Variants in SPRY3 observed in about 807,000 individuals in gnomAD.
SPRY3 encodes the protein sprouty RTK signaling antagonist 3.
Under a neutral mutation model 20.2 loss-of-function variants are expected in SPRY3, and 15 were observed. That is an observed-to-expected ratio of 0.74 (90% CI 0.50 to 1.14). SPRY3 has a LOEUF of 1.14. Ranked by LOEUF, SPRY3 falls within the 50% of genes most tolerant of loss-of-function variation. SPRY3 has a pLI of 0.00. For missense variants in SPRY3, 364 were observed against 363.9 expected, an observed-to-expected ratio of 1.00 and a Z score of 0.00; for synonymous variants, 143 against 136.5, an observed-to-expected ratio of 1.05 and a Z score of -0.33.
intron 2 of SPRY3, among the ~76,000 whole-genome samples, chrX:155,766,148 C>A (rs749002777): frequency 6.6e-6 from 1 of 152,168 alleles, no homozygotes; most frequent in African/African-American, 2.4e-5. Context: ...CAGGCATGCA[C>A]GCATGCACAC....
chrX:155,697,631 G>A (rs982076916), intron 2 of SPRY3, among the ~76,000 whole-genome samples: 2 of 108,334 alleles, frequency 1.8e-5, no homozygotes, highest in African/African-American at 3.4e-5. Flanking sequence ...ATTGTAGGTA[G>A]GGGTGTGTGT....
At position 155,775,327 on chromosome X, in the gene SPRY3, C is replaced by G. The variant is rs141787152; in HGVS notation, c.*589C>G. 6.5e-3 allele frequency: 1,104 copies of G among 168,868 alleles called. 14 individuals are homozygous for G. The highest frequency in any genetic ancestry group is 0.026 in the African/African-American group (1,060 of 41,496). The allele number at this position is 168,868 out of a possible 1,614,324, so 10.5% of individuals were successfully genotyped here. On this transcript the variant is annotated 3_prime_UTR_variant, in exon 4 of 4. Coordinates refer to ENST00000675360, the Ensembl canonical transcript of SPRY3. Reference sequence around the variant, plus strand: ...TCTTTCTTCCTCCCTTTCTCCTTCTCCCCTCCTTCTTTTTCAGACTGATCC... The same window carrying G: ...TCTTTCTTCCTCCCTTTCTCCTTCTGCCCTCCTTCTTTTTCAGACTGATCC...
At chrX:155,716,783 T>A (rs746525795) in intron 2 of SPRY3, among the ~76,000 whole-genome samples, 3 of 151,324 alleles carry the variant, frequency 2.0e-5, no homozygotes, top group Non-Finnish European at 2.9e-5. Flanking sequence ...TTCGACAAAA[T>A]ATGTGTTCAA....
intron 2 of SPRY3, among the ~76,000 whole-genome samples, chrX:155,696,924 T>G (rs947930574): frequency 6.3e-5 from 7 of 111,873 alleles, no homozygotes; most frequent in Admixed American, 9.5e-5. Context: ...TTTAAGTATA[T>G]CTTAAGAATC....
chrX:155,760,743 G>A (rs182987923), intron 2 of SPRY3, among the ~76,000 whole-genome samples: 2 of 152,034 alleles, frequency 1.3e-5, no homozygotes, highest in African/African-American at 4.8e-5. Flanking sequence ...TAGGGTTCAC[G>A]CTCCTATGAA....
intron 2 of SPRY3, among the ~76,000 whole-genome samples, chrX:155,696,681 C>T (rs977837227): frequency 9.0e-6 from 1 of 110,999 alleles, no homozygotes; most frequent in Non-Finnish European, 1.9e-5. Flanking sequence ...TAAACACAGC[C>T]ACCACTAGCC....
chrX:155,697,308 A>AT (rs1569562670), intron 2 of SPRY3, among the ~76,000 whole-genome samples: 1 of 110,397 alleles, frequency 9.1e-6, no homozygotes, highest in Non-Finnish European at 1.9e-5. Context: ...AAGCTCAGAC[A>AT]TTGGTCTTCC....
At chrX:155,776,120 T>C (rs1478369660) in exon 4 of SPRY3, 2 of 167,072 alleles carry the variant, frequency 1.2e-5, no homozygotes, top group African/African-American at 2.4e-5. Context: ...CAGAAAGCCA[T>C]TCCCATTCAA....
chrX:155,710,000 A>G (rs912672111), intron 2 of SPRY3, among the ~76,000 whole-genome samples: 3 of 151,636 alleles, frequency 2.0e-5, no homozygotes, highest in Non-Finnish European at 4.4e-5. Context: ...TGGGTTCTCT[A>G]TTCTGTTCCA....
chrX:155,772,649 T>G (rs2091387981), intron 3 of SPRY3, among the ~76,000 whole-genome samples: 1 of 152,156 alleles, frequency 6.6e-6, no homozygotes. Flanking sequence ...CAGTCTGCTA[T>G]TTGTACAGTA....
intron 2 of SPRY3, among the ~76,000 whole-genome samples, chrX:155,706,508 A>T (rs1350997611): frequency 1.3e-5 from 2 of 150,946 alleles, no homozygotes; most frequent in Non-Finnish European, 3.0e-5. Context: ...AGAAAAAATC[A>T]ATAAAGTTTA....
chrX:155,651,635 A>G (rs1193143118), intron 1 of SPRY3, among the ~76,000 whole-genome samples: 1 of 111,863 alleles, frequency 8.9e-6, no homozygotes, highest in Non-Finnish European at 1.9e-5. Context: ...TGCAGAGCAA[A>G]AGGCTTTAAA....
In SPRY3 at chrX:155,616,100, G is replaced by GTCTCTCTCCCTCTCTCTCTCTCTCTC. The variant is rs1557348835; in HGVS notation, c.-441+3461_-441+3462insCCTCTCTCTCTCTCTCTCTCTCTCTC. Among the ~76,000 whole-genome samples, 135 of 42,870 alleles carry GTCTCTCTCCCTCTCTCTCTCTCTCTC rather than the reference G, an allele frequency of 3.1e-3. 6 individuals carry two copies. Among genetic ancestry groups the GTCTCTCTCCCTCTCTCTCTCTCTCTC allele is most frequent in the Non-Finnish European group, 4.1e-3 (71 of 17,180 alleles). 37.2% of individuals were successfully genotyped at this position (42,870 alleles called of 115,157 possible). A position where few individuals can be genotyped will look rare whatever the true frequency, so the allele number is the denominator to read the frequency against. On this transcript the variant is annotated intron_variant, in intron 1 of 3. Transcript: ENST00000675360. Reference sequence around the variant, plus strand: ...ATTTTTCCCTGCACATTTATCTGGGGTCTCTCTCTCTCTCTCTCTCTCTCT... The same window carrying GTCTCTCTCCCTCTCTCTCTCTCTCTC: ...ATTTTTCCCTGCACATTTATCTGGGGTCTCTCTCCCTCTCTCTCTCTCTCTCTCTCTCTCTCTCTCTCTCTCTCTCT...
At chrX:155,751,928 TAAAATAAAATA>T (rs748400630) in intron 2 of SPRY3, among the ~76,000 whole-genome samples, 92 of 21,960 alleles carry the variant, frequency 4.2e-3, no homozygotes, top group African/African-American at 0.041. Context: ...GGAAGGGAAA[TAAAATAAAATA>T]AAATAAAATA....
At chrX:155,739,443 A>C (rs1273920490) in intron 2 of SPRY3, among the ~76,000 whole-genome samples, 1 of 152,172 alleles carries the variant, frequency 6.6e-6, no homozygotes, top group East Asian at 1.9e-4. Flanking sequence ...AGTGCAGCAC[A>C]TCTGCTCAGC....
chrX:155,764,228 A>G (rs1264461920), intron 2 of SPRY3, among the ~76,000 whole-genome samples: 1 of 152,218 alleles, frequency 6.6e-6, no homozygotes, highest in Non-Finnish European at 1.5e-5. Flanking sequence ...GCCACTTACT[A>G]GCTGTATGAT....
At chrX:155,747,550 C>G (rs1602984771) in intron 2 of SPRY3, among the ~76,000 whole-genome samples, 1 of 151,956 alleles carries the variant, frequency 6.6e-6, no homozygotes, top group African/African-American at 2.4e-5. Flanking sequence ...TTTTAAGCTA[C>G]CAGCCCTATG....
At chrX:155,675,300 G>A (rs1557355138) in intron 2 of SPRY3, among the ~76,000 whole-genome samples, 1 of 111,195 alleles carries the variant, frequency 9.0e-6, no homozygotes, top group Non-Finnish European at 1.9e-5. Context: ...ATAATTTGTG[G>A]GAATGTGTCT....
intron 3 of SPRY3, among the ~76,000 whole-genome samples, chrX:155,772,415 C>T (rs1049570581): frequency 6.6e-6 from 1 of 152,138 alleles, no homozygotes; most frequent in African/African-American, 2.4e-5. Context: ...TCCTCTCTCA[C>T]TTGTTCATTT....
Sources: gnomAD v4.1 joint callset for allele counts (sites outside exome capture counted in the v4.1 genomes callset) on GRCh38, gnomAD v4.1.1 for gene constraint, MANE v1.5 for transcripts, NCBI Gene and HGNC (gene_info 2026-07-23, HGNC 2026-07-21) for gene names.